ASXL1: variants seen among roughly 807,000 people sequenced by gnomAD.
ASXL1 encodes the protein ASXL transcriptional regulator 1.
ASXL1 carries 65 observed loss-of-function variants against 89.1 expected under a neutral mutation model. That is an observed-to-expected ratio of 0.73 (90% confidence interval 0.60 to 0.90). The LOEUF is 0.90. ASXL1 is among the 40% of genes least tolerant of loss of function. The probability of loss-of-function intolerance (pLI) is 0.00; values close to 1 mark genes in which losing one functional copy is unlikely to be tolerated. For synonymous variants in ASXL1, 739 were observed against 746.9 expected (o/e 0.99, Z 0.17); for missense variants, 1,786 against 1,942.9 (o/e 0.92, Z 1.52).
At position 32,429,099 on chromosome 20, in the gene ASXL1, A is replaced by G. The variant is rs950389273; in HGVS notation, c.472-239A>G. The G allele has an allele frequency of 1.9e-6, 1 of 526,406 alleles. No homozygotes were observed. The highest frequency in any genetic ancestry group is 3.4e-6 in the Non-Finnish European group (1 of 290,282). The allele number at this position is 526,406 out of a possible 1,614,324, so 32.6% of individuals were successfully genotyped here. A position where few individuals can be genotyped will look rare whatever the true frequency, so the allele number is the denominator to read the frequency against. ...TTACTAGCCTTGAGACTTGGGGAAA[A>G]TTCCTTACCTGTAAAATGGGGATAA... On this transcript the variant is annotated intron_variant, in intron 6 of 12. Coordinates refer to ENST00000375687, the MANE Select transcript of ASXL1 (RefSeq NM_015338.6). This position sits in a 1 kb window ranked among gnomAD's most constrained non-coding sequence, Gnocchi z 4.9.
chr20:32,416,267 C>T (rs546564996), intron 4 of ASXL1, among the ~76,000 whole-genome samples: 4 of 152,140 alleles, frequency 2.6e-5, no homozygotes, highest in Admixed American at 2.6e-4. Context: ...AGAACTTACT[C>T]CTTCTATTTA....
chr20:32,404,131 G>A (rs76591915), intron 4 of ASXL1, among the ~76,000 whole-genome samples: 1,577 of 152,096 alleles, frequency 0.01, 28 homozygotes, highest in African/African-American at 0.036. Context: ...CTATCTAACT[G>A]TATGTTTGTA....
At chr20:32,400,698 T>G (rs987659670) in intron 4 of ASXL1, among the ~76,000 whole-genome samples, 2 of 152,232 alleles carry the variant, frequency 1.3e-5, no homozygotes, top group Non-Finnish European at 2.9e-5. Context: ...GTCCCATGAA[T>G]TCTAGCTGCC....
At chr20:32,359,649 T>G (rs550540664) in intron 1 of ASXL1, 1 of 716,432 alleles carries the variant, frequency 1.4e-6, no homozygotes, top group Non-Finnish European at 2.6e-6. Context: ...GAATGTATGT[T>G]GGACAAAGAC....
At position 32,429,538 on chromosome 20, in the gene ASXL1, G is replaced by A. The variant is rs900805331; in HGVS notation, c.565+107G>A. On this transcript the variant is annotated intron_variant, in intron 7 of 12. Coordinates refer to ENST00000375687, the MANE Select transcript of ASXL1 (RefSeq NM_015338.6). This position sits in a 1 kb window ranked among gnomAD's most constrained non-coding sequence, Gnocchi z 4.9. ...ATAGTGCGATACTAGGAGAGCTGTC[G>A]GGCCACAGGCAAGAGCCCTGCCAAT... 2.1e-5 allele frequency: 25 copies of A among 1,204,946 alleles called. No individual in the cohort carries two copies. Among genetic ancestry groups the A allele is most frequent in the Admixed American group, 9.3e-5 (5 of 53,876 alleles). 74.6% of individuals were successfully genotyped at this position (1,204,946 alleles called of 1,614,324 possible).
In ASXL1 at chr20:32,434,536, G is replaced by C. The variant is rs1434857838; in HGVS notation, c.1824G>C (p.Trp608Cys). 3 of 1,613,808 alleles carry C rather than the reference G, an allele frequency of 1.9e-6. No homozygotes were observed. The highest frequency in any genetic ancestry group is 2.7e-5 in the African/African-American group (2 of 74,908). ...IPTTESSCRG[W>C]TGARTLADIK... ...CCACGGAGTCCTCCTGCCGGGGTTG[G>C]ACTGGCGCCAGGACCCTCGCAGACA... is the stretch of plus-strand genomic sequence containing the variant. The change falls in exon 13 of 13, where the codon TGG becomes TGC. Residue 608 changes from tryptophan to cysteine, a missense_variant. Around this residue, in one of 3 missense-constraint regions of ASXL1, gnomAD observed 1,418 missense variants for 1,427.8 expected, o/e 0.99. Coordinates refer to ENST00000375687, the MANE Select transcript of ASXL1 (RefSeq NM_015338.6).
intron 4 of ASXL1, among the ~76,000 whole-genome samples, chr20:32,426,405 A>G (rs1349090848): frequency 1.3e-5 from 2 of 152,090 alleles, no homozygotes; most frequent in African/African-American, 2.4e-5. Flanking sequence ...CCATGAGAGA[A>G]GAGAGATTAA....
chr20:32,435,474 C>T lies in ASXL1; in HGVS notation c.2762C>T (p.Ser921Phe). Reference sequence around the variant, plus strand: ...CCAGAATCCAGAGAACACATACCATCTGTTGAGCCCCAGGTTGGAGAGGAG... The same window carrying T: ...CCAGAATCCAGAGAACACATACCATTTGTTGAGCCCCAGGTTGGAGAGGAG... ...PKPESREHIP[S>F]VEPQVGEEWE... Residue 921 changes from serine to phenylalanine, a missense_variant, in exon 13 of 13, where the codon TCT becomes TTT. Physicochemically the swap from Ser to Phe is radical, Grantham distance 155. This residue lies in a region of ASXL1 where 1,418 missense variants were observed against 1,427.8 expected (regional missense o/e 0.99). Transcript: ENST00000375687. 1 of 1,614,114 alleles carries T rather than the reference C, an allele frequency of 6.2e-7. No individual in the cohort carries two copies. The highest frequency in any genetic ancestry group is 8.5e-7 in the Non-Finnish European group (1 of 1,180,032).
intron 4 of ASXL1, among the ~76,000 whole-genome samples, chr20:32,403,542 G>C (rs1034616215): frequency 1.2e-4 from 18 of 152,128 alleles, no homozygotes; most frequent in African/African-American, 4.3e-4. Flanking sequence ...AGCCTTCCGG[G>C]TAGCTGGGAC....
chr20:32,367,742 C>G lies in ASXL1; in HGVS notation c.143+13C>G, dbSNP rs1339651292. 6 of 780,732 alleles carry G rather than the reference C, an allele frequency of 7.7e-6. No individual in the cohort carries two copies. Among genetic ancestry groups the G allele is most frequent in the Non-Finnish European group, 1.4e-5 (6 of 418,126 alleles). The allele number at this position is 780,732 out of a possible 1,614,324, so 48.4% of individuals were successfully genotyped here. On this transcript the variant is annotated intron_variant, in intron 3 of 12. Transcript: ENST00000375687. ...TTGCCTATAGAAGGTAAATGAGTCC[C>G]TTTGGGACATATGGAATTGAGAACC...
chr20:32,429,189 A>T lies in ASXL1; in HGVS notation c.472-149A>T. 1.3e-6 allele frequency: 1 copy of T among 779,114 alleles called. No individual in the cohort carries two copies. The highest frequency in any genetic ancestry group is 2.2e-6 in the Non-Finnish European group (1 of 451,550). The allele number at this position is 779,114 out of a possible 1,614,324, so 48.3% of individuals were successfully genotyped here. ...GACCAGCACGTAGCTCAGTAACATT[A>T]ACCAGTGCTCTTGTCAGCATTATTT... On this transcript the variant is annotated intron_variant, in intron 6 of 12. Transcript: ENST00000375687. The surrounding 1 kb of genome is among the most constrained non-coding windows in gnomAD (Gnocchi z 4.9).
chr20:32,406,221 C>T (rs1316082116), intron 4 of ASXL1, among the ~76,000 whole-genome samples: 3 of 152,090 alleles, frequency 2.0e-5, no homozygotes, highest in Non-Finnish European at 1.5e-5. Context: ...CTAGTTTTTT[C>T]CCTTTCCATA....
intron 4 of ASXL1, among the ~76,000 whole-genome samples, chr20:32,381,736 G>A (rs1157665140): frequency 1.3e-5 from 2 of 151,660 alleles, no homozygotes; most frequent in African/African-American, 2.4e-5. Context: ...GGATGGTCTC[G>A]ATCTTTTGAC....
chr20:32,423,157 G>A (rs1310269374), intron 4 of ASXL1, among the ~76,000 whole-genome samples: 1 of 152,106 alleles, frequency 6.6e-6, no homozygotes, highest in East Asian at 1.9e-4. Context: ...GCTAATTGTA[G>A]AATTGGCCTG....
chr20:32,438,518 C>A lies in ASXL1; in HGVS notation c.*1180C>A. On this transcript the variant is annotated 3_prime_UTR_variant, in exon 13 of 13. Transcript: ENST00000375687. Reference sequence around the variant, plus strand: ...GCCCGATGCCCTGTTGGGTCACCGGCTGGACCTGCTGCAGCCTGCAGAGCC... The same window carrying A: ...GCCCGATGCCCTGTTGGGTCACCGGATGGACCTGCTGCAGCCTGCAGAGCC... 4.3e-6 allele frequency: 1 copy of A among 233,636 alleles called. No individual in the cohort carries two copies. Among genetic ancestry groups the A allele is most frequent in the Non-Finnish European group, 8.5e-6 (1 of 118,058 alleles). The allele number at this position is 233,636 out of a possible 1,614,324, so 14.5% of individuals were successfully genotyped here. A position where few individuals can be genotyped will look rare whatever the true frequency, so the allele number is the denominator to read the frequency against.
At chr20:32,367,117 C>T (rs1226257389) in intron 2 of ASXL1, among the ~76,000 whole-genome samples, 2 of 151,606 alleles carry the variant, frequency 1.3e-5, no homozygotes, top group African/African-American at 4.8e-5. Context: ...GTGGCCCATG[C>T]CTGTAATCCC....
intron 4 of ASXL1, among the ~76,000 whole-genome samples, chr20:32,373,632 T>G (rs1456541614): frequency 6.6e-6 from 1 of 151,620 alleles, no homozygotes; most frequent in African/African-American, 2.4e-5. Flanking sequence ...TTTGGGAGGT[T>G]GCGGTGGGTG....
At position 32,421,962 on chromosome 20, in the gene ASXL1, G is replaced by A. The variant is rs1330808833; in HGVS notation, c.253-6166G>A. Among the ~76,000 whole-genome samples, 3 of 143,064 alleles carry A rather than the reference G, an allele frequency of 2.1e-5. No homozygotes were observed. In the South Asian group the frequency reaches 7.0e-4, roughly 34 times the overall value. The allele number at this position is 143,064 out of a possible 152,430, so 93.9% of individuals were successfully genotyped here. A position where few individuals can be genotyped will look rare whatever the true frequency, so the allele number is the denominator to read the frequency against. ...CGGCTCACTGCAAGCTCCGCCTCCC[G>A]GGTTCATGCCATTCTCCTGCCTCAG... On this transcript the variant is annotated intron_variant, in intron 4 of 12. Coordinates refer to ENST00000375687, the MANE Select transcript of ASXL1 (RefSeq NM_015338.6).
intron 4 of ASXL1, among the ~76,000 whole-genome samples, chr20:32,426,706 C>T (rs1048747043): frequency 4.0e-5 from 6 of 151,426 alleles, no homozygotes; most frequent in African/African-American, 9.7e-5. Flanking sequence ...ACTACAGGCG[C>T]GTGCCACCAC....
Sources: allele counts gnomAD v4.1 joint callset (sites outside exome capture counted in the v4.1 genomes callset), GRCh38; gene constraint gnomAD v4.1.1; regional missense constraint gnomAD v4.1.1; non-coding constraint Gnocchi (gnomAD v3.1); transcripts MANE v1.5; gene names NCBI Gene and HGNC (gene_info 2026-07-23, HGNC 2026-07-21).